Variants in CD1B observed in about 807,000 individuals in gnomAD.
The protein encoded by CD1B is T-cell surface glycoprotein CD1b.
Under a neutral mutation model 39.8 loss-of-function variants are expected in CD1B, and 43 were observed. The observed-to-expected ratio is 1.08, with a 90% CI of 0.85 to 1.39. CD1B has a LOEUF of 1.39. Among genes scored for constraint, CD1B ranks in the 40% most tolerant of loss-of-function variants. The pLI, the probability that CD1B is intolerant of heterozygous loss-of-function variation, is 0.00. For missense variants in CD1B, 495 were observed against 403.8 expected (o/e 1.23, Z -1.94); for synonymous variants, 192 against 152.5 (o/e 1.26, Z -1.91).
At chr1:158,326,690 A>G (rs1342794808), downstream of CD1B, among the ~76,000 whole-genome samples, 2 of 152,190 alleles carry the variant, frequency 1.3e-5, no homozygotes, top group South Asian at 2.1e-4. Flanking sequence ...ATGATACAAT[A>G]TCTAAAATTT....
chr1:158,320,076 A>G, the CD1B span, among the ~76,000 whole-genome samples: 1 of 152,248 alleles, frequency 6.6e-6, no homozygotes, highest in African/African-American at 2.4e-5. Context: ...GCTGTCAGAC[A>G]GGGACATTTA....
At chr1:158,294,164 G>A in the CD1B span, among the ~76,000 whole-genome samples, 1 of 152,172 alleles carries the variant, frequency 6.6e-6, no homozygotes, top group Non-Finnish European at 1.5e-5. Flanking sequence ...GATGATCAGT[G>A]GTGCAGATAT....
the CD1B span, among the ~76,000 whole-genome samples, chr1:158,288,546 C>T: frequency 6.6e-6 from 1 of 152,110 alleles, no homozygotes; most frequent in Non-Finnish European, 1.5e-5. Context: ...CATGTGCCAC[C>T]ACATTTGGCC....
downstream of CD1B, among the ~76,000 whole-genome samples, chr1:158,323,664 AATGTTAGATCGC>A (rs2101704976): frequency 6.6e-6 from 1 of 152,268 alleles, no homozygotes; most frequent in East Asian, 1.9e-4. Flanking sequence ...AAGCAAACCT[AATGTTAGATCGC>A]ATGACTGCTG....
Position 158,331,447 on chromosome 1 carries a change from A to G in CD1B, c.-24T>C, listed in dbSNP as rs1033466002. ...ATTTCACTGGGAGATGCAACTTCTT[A>G]CTGGCAGAGCTGGTATTTGATCTCC... On this transcript the variant is annotated 5_prime_UTR_variant, in exon 1 of 6. Transcript: ENST00000368168. 1.9e-6 allele frequency: 3 copies of G among 1,603,258 alleles called. No homozygotes were observed. Among genetic ancestry groups the G allele is most frequent in the Non-Finnish European group, 2.6e-6 (3 of 1,170,464 alleles).
At chr1:158,304,264 T>A in the CD1B span, among the ~76,000 whole-genome samples, 2 of 151,982 alleles carry the variant, frequency 1.3e-5, no homozygotes, top group African/African-American at 4.8e-5. Flanking sequence ...TTTCCAATGG[T>A]CTTAGCAAAG....
chr1:158,295,306 T>C, the CD1B span, among the ~76,000 whole-genome samples: 6 of 152,030 alleles, frequency 3.9e-5, no homozygotes, highest in Non-Finnish European at 5.9e-5. Context: ...CTGCGAACCC[T>C]ACACAGGGTT....
the CD1B span, among the ~76,000 whole-genome samples, chr1:158,314,502 G>A: frequency 6.6e-6 from 1 of 151,866 alleles, no homozygotes; most frequent in Non-Finnish European, 1.5e-5. Flanking sequence ...ACTAGTTTTG[G>A]CTTGATGTTG....
At chr1:158,321,007 G>A in the CD1B span, among the ~76,000 whole-genome samples, 2,217 of 152,206 alleles carry the variant, frequency 0.015, 54 homozygotes, top group African/African-American at 0.048. Flanking sequence ...TGTTCTTTAA[G>A]CATCTGTTAG....
the CD1B span, among the ~76,000 whole-genome samples, chr1:158,305,916 G>A: frequency 2.6e-5 from 4 of 152,266 alleles, no homozygotes; most frequent in African/African-American, 9.6e-5. Flanking sequence ...TGCCCTACAA[G>A]AGCTCCCGAA....
the CD1B span, among the ~76,000 whole-genome samples, chr1:158,317,548 C>T: frequency 3.3e-5 from 5 of 151,996 alleles, no homozygotes; most frequent in Non-Finnish European, 7.4e-5. Flanking sequence ...TTTGATTCTT[C>T]TCTCTTTTTT....
the CD1B span, among the ~76,000 whole-genome samples, chr1:158,301,975 C>T: frequency 1.3e-5 from 2 of 151,802 alleles, no homozygotes; most frequent in Non-Finnish European, 2.9e-5. Context: ...GCAGAATACA[C>T]CTGTCTTCTG....
At chr1:158,290,263 G>A in the CD1B span, 1 of 696,570 alleles carries the variant, frequency 1.4e-6, no homozygotes, top group East Asian at 2.6e-5. Flanking sequence ...TACTCTTTTG[G>A]AGGATGGTGG....
At chr1:158,316,558 C>T in the CD1B span, among the ~76,000 whole-genome samples, 22 of 151,786 alleles carry the variant, frequency 1.4e-4, no homozygotes, top group African/African-American at 5.3e-4. Context: ...AGATTTTGGG[C>T]TGAGACAATG....
At chr1:158,304,306 C>T in the CD1B span, among the ~76,000 whole-genome samples, 30 of 152,248 alleles carry the variant, frequency 2.0e-4, no homozygotes, top group African/African-American at 7.2e-4. Flanking sequence ...CCATGCCAGG[C>T]CTGGAGGGTC....
At chr1:158,320,345 G>C in the CD1B span, among the ~76,000 whole-genome samples, 4 of 152,200 alleles carry the variant, frequency 2.6e-5, no homozygotes, top group African/African-American at 9.6e-5. Flanking sequence ...AGCAGGTGTG[G>C]GATATAATCT....
the CD1B span, among the ~76,000 whole-genome samples, chr1:158,316,011 A>G: frequency 4.6e-5 from 7 of 151,890 alleles, no homozygotes; most frequent in Non-Finnish European, 8.8e-5. Flanking sequence ...TGTTCCATTG[A>G]TCTATATCTC....
At chr1:158,318,189 C>T in the CD1B span, among the ~76,000 whole-genome samples, 1 of 152,136 alleles carries the variant, frequency 6.6e-6, no homozygotes, top group African/African-American at 2.4e-5. Flanking sequence ...CCGCTTGGGG[C>T]AGAGCTGAGT....
chr1:158,298,288 A>G, the CD1B span, among the ~76,000 whole-genome samples: 1 of 152,220 alleles, frequency 6.6e-6, no homozygotes, highest in African/African-American at 2.4e-5. Flanking sequence ...TTATCATACA[A>G]TAATGGTGGT....
Sources: gnomAD v4.1 joint callset for allele counts (sites outside exome capture counted in the v4.1 genomes callset) on GRCh38, gnomAD v4.1.1 for gene constraint, MANE v1.5 for transcripts, NCBI Gene and HGNC (gene_info 2026-07-23, HGNC 2026-07-21) for gene names.